Variants in SLIT3 observed in about 807,000 individuals in gnomAD.
The protein encoded by SLIT3 is slit guidance ligand 3, also known as slit homolog 3 protein.
Under a neutral mutation model 184.0 loss-of-function variants are expected in SLIT3, and 68 were observed. The ratio of observed to expected loss-of-function variants is 0.37; its 90% CI spans 0.30 to 0.45. SLIT3 has a LOEUF of 0.45. Ranked by LOEUF, SLIT3 falls within the 20% of genes least tolerant of loss-of-function variation. The probability of loss-of-function intolerance (pLI) is 1.00; values close to 1 mark genes in which losing one functional copy is unlikely to be tolerated. For synonymous variants in SLIT3, 831 were observed against 828.6 expected (o/e 1.00, Z -0.05); for missense variants, 1,707 against 2,026.0 (o/e 0.84, Z 3.02).
chr5:168,687,879 A>G (rs1761793992), intron 29 of SLIT3, among the ~76,000 whole-genome samples: 1 of 152,210 alleles, frequency 6.6e-6, no homozygotes, highest in Non-Finnish European at 1.5e-5. Flanking sequence ...TACCTGGGCA[A>G]GAGGATGGGA....
At chr5:168,866,187 T>C (rs1039857239) in intron 5 of SLIT3, among the ~76,000 whole-genome samples, 6 of 152,214 alleles carry the variant, frequency 3.9e-5, no homozygotes, top group African/African-American at 1.4e-4. Flanking sequence ...GAGTCAGCAT[T>C]TGCTGAAAGC....
chr5:168,817,191 A>T (rs1195710322), intron 8 of SLIT3, 109 bp downstream of exon 8: 2 of 1,012,950 alleles, frequency 2.0e-6, no homozygotes, highest in Non-Finnish European at 3.0e-6. Context: ...GGTTCCTTCC[A>T]CACCAAGCTC....
At chr5:169,063,215 G>A (rs1343823320) in intron 4 of SLIT3, among the ~76,000 whole-genome samples, 2 of 152,186 alleles carry the variant, frequency 1.3e-5, no homozygotes, top group Non-Finnish European at 2.9e-5. Flanking sequence ...CCGGCTGCAT[G>A]AGGGTCAGTG....
At chr5:168,684,234 C>T in intron 31 of SLIT3, 138 bp from the exon 32 acceptor site, 1 of 908,466 alleles carries the variant, frequency 1.1e-6, no homozygotes, top group Non-Finnish European at 1.6e-6. Context: ...TTTCCTCCTC[C>T]ATCTAGTCAG....
At chr5:168,727,554 G>T (rs78046673) in intron 20 of SLIT3, among the ~76,000 whole-genome samples, 4 of 152,152 alleles carry the variant, frequency 2.6e-5, no homozygotes, top group African/African-American at 4.8e-5. Flanking sequence ...GGTAGATCAC[G>T]CTGAGGCCTT....
Position 168,785,936 on chromosome 5 carries a change from C to G in SLIT3, c.1122G>C (p.Leu374=). ...GNKITEIVKG[L]FDGLVSLQLL... The stretch of plus-strand genomic sequence containing the variant: ...GCTGTAGGGACACCAGCCCATCAAA[C>G]AGTCCCTTGACAATCTCGGTGATCT... Residue 374 remains leucine (L), a synonymous_variant, in exon 12 of 36, where the codon CTG becomes CTC. Coordinates refer to ENST00000519560, the MANE Select transcript of SLIT3 (RefSeq NM_003062.4). The G allele has an allele frequency of 2.5e-6, 4 of 1,613,122 alleles. No individual in the cohort carries two copies. Among genetic ancestry groups the G allele is most frequent in the Non-Finnish European group, 3.4e-6 (4 of 1,179,206 alleles).
intron 4 of SLIT3, among the ~76,000 whole-genome samples, chr5:169,138,693 C>T (rs952189696): frequency 4.6e-5 from 7 of 152,226 alleles, no homozygotes; most frequent in Non-Finnish European, 8.8e-5. Context: ...GATGGCACTG[C>T]GAGCCTTGCG....
At chr5:168,777,064 AACACAC>A (rs556884651) in intron 12 of SLIT3, among the ~76,000 whole-genome samples, 108 of 65,914 alleles carry the variant, frequency 1.6e-3, no homozygotes, top group South Asian at 5.3e-3. Flanking sequence ...AATTTCATAC[AACACAC>A]ACACACACAC....
At chr5:169,186,296 A>G (rs1264921283) in intron 4 of SLIT3, among the ~76,000 whole-genome samples, 5 of 152,140 alleles carry the variant, frequency 3.3e-5, no homozygotes, top group Non-Finnish European at 5.9e-5. Context: ...ATGCTACCAC[A>G]GAGGCACAAC....
chr5:168,969,481 A>C (rs945725068), intron 4 of SLIT3, among the ~76,000 whole-genome samples: 3 of 152,218 alleles, frequency 2.0e-5, no homozygotes, highest in African/African-American at 4.8e-5. Context: ...CATTACCCCA[A>C]ATTGCAGGAC....
At chr5:168,774,626 T>C (rs1755679857) in intron 12 of SLIT3, among the ~76,000 whole-genome samples, 1 of 152,160 alleles carries the variant, frequency 6.6e-6, no homozygotes. Flanking sequence ...CTTGGCACCT[T>C]CTCTTGCACC....
chr5:169,282,507 C>A (rs1482544078), intron 1 of SLIT3, among the ~76,000 whole-genome samples: 1 of 152,166 alleles, frequency 6.6e-6, no homozygotes, highest in African/African-American at 2.4e-5. Context: ...CTCCATAGAA[C>A]GTTCTCACAA....
chr5:168,765,343 A>G (rs1755305057), intron 14 of SLIT3, among the ~76,000 whole-genome samples: 1 of 152,156 alleles, frequency 6.6e-6, no homozygotes, highest in African/African-American at 2.4e-5. Flanking sequence ...ATTAGATTCG[A>G]TGGACTAATG....
At chr5:168,875,971 A>G (rs1296939583) in intron 5 of SLIT3, among the ~76,000 whole-genome samples, 1 of 152,170 alleles carries the variant, frequency 6.6e-6, no homozygotes, top group East Asian at 1.9e-4. Flanking sequence ...AACTTGCTGC[A>G]CTTCCCAGAG....
chr5:169,229,995 G>A (rs1053829423), intron 3 of SLIT3, among the ~76,000 whole-genome samples: 2 of 152,130 alleles, frequency 1.3e-5, no homozygotes, highest in East Asian at 1.9e-4. Flanking sequence ...CTCTTCCTTC[G>A]GTCTCACAGT....
At chr5:169,103,933 T>C (rs554520413) in intron 4 of SLIT3, among the ~76,000 whole-genome samples, 1 of 152,340 alleles carries the variant, frequency 6.6e-6, no homozygotes, top group East Asian at 1.9e-4. Flanking sequence ...CTTGCTGCTC[T>C]GTGCTGGAGT....
At chr5:168,759,311 C>A (rs1165920633) in intron 16 of SLIT3, among the ~76,000 whole-genome samples, 2 of 152,192 alleles carry the variant, frequency 1.3e-5, no homozygotes, top group East Asian at 1.9e-4. Context: ...CGACGTATAA[C>A]CTTGTTATAT....
intron 12 of SLIT3, among the ~76,000 whole-genome samples, chr5:168,775,525 C>G (rs1326744700): frequency 6.8e-6 from 1 of 147,412 alleles, no homozygotes; most frequent in Non-Finnish European, 1.5e-5. Flanking sequence ...TATCGTCTCT[C>G]ACACCCCCGT....
intron 12 of SLIT3, among the ~76,000 whole-genome samples, chr5:168,783,693 A>G (rs1472741628): frequency 2.0e-5 from 3 of 152,234 alleles, no homozygotes; most frequent in African/African-American, 7.2e-5. Context: ...CCAGTCTAAC[A>G]GGGAGAAGTC....
Sources: allele counts gnomAD v4.1 joint callset (sites outside exome capture counted in the v4.1 genomes callset), GRCh38; gene constraint gnomAD v4.1.1; transcripts MANE v1.5; gene names NCBI Gene and HGNC (gene_info 2026-07-23, HGNC 2026-07-21).